The following TTC28 variants were observed in gnomAD, a reference collection of about 807,000 sequenced individuals.
TTC28 encodes the protein tetratricopeptide repeat domain 28.
A neutral mutation model predicts 198.0 loss-of-function variants in TTC28; 61 were observed. The ratio of observed to expected loss-of-function variants is 0.31; its 90% confidence interval spans 0.25 to 0.38. The LOEUF is 0.38. TTC28 is among the 10% of genes least tolerant of loss of function. The pLI is 1.00. For missense variants in TTC28, 2,678 were observed against 3,164.0 expected (o/e 0.85, Z 3.69); for synonymous variants, 1,171 against 1,297.8 (o/e 0.90, Z 2.10).
chr22:28,114,170 T>A, intron 6 of TTC28, among the ~76,000 whole-genome samples: 1 of 152,200 alleles, frequency 6.6e-6, no homozygotes, highest in Non-Finnish European at 1.5e-5. Context: ...GGCTGAGAAA[T>A]GGCTAAAATG....
In TTC28 at chr22:28,101,271, A is replaced by G. The variant is rs1942143937; in HGVS notation, c.3317T>C (p.Leu1106Ser). Residue 1106 changes from leucine to serine, a missense_variant, in exon 9 of 23, where the codon TTA becomes TCA. Around this residue, in one of 8 missense-constraint regions of TTC28, gnomAD observed 727 missense variants for 861.9 expected, o/e 0.84. Transcript: ENST00000397906. ...TTCTCTTCGGCCCAGTTGCTCAGCTAACCTTAAACCTGAAACCAGATAGAG... is the reference window on the plus strand; with the variant it reads ...TTCTCTTCGGCCCAGTTGCTCAGCTGACCTTAAACCTGAAACCAGATAGAG... ...AVMYLQEGLR[L>S]AEQLGRREDE... is the part of the protein sequence containing the mutation. 1 of 1,551,598 alleles carries G rather than the reference A, an allele frequency of 6.4e-7. No homozygotes were observed. Among genetic ancestry groups the G allele is most frequent in the Admixed American group, 2.0e-5 (1 of 50,960 alleles).
chr22:28,617,776 C>T (rs1387768476), intron 2 of TTC28, among the ~76,000 whole-genome samples: 1 of 152,196 alleles, frequency 6.6e-6, no homozygotes, highest in African/African-American at 2.4e-5. Context: ...CCAGCAAAAT[C>T]TGCTGGATGA....
At chr22:28,062,491 A>G (rs956919818) in intron 12 of TTC28, among the ~76,000 whole-genome samples, 2 of 143,192 alleles carry the variant, frequency 1.4e-5, no homozygotes, top group East Asian at 2.0e-4. Flanking sequence ...TTTTTTAGAG[A>G]CAGGGTCTCT....
chr22:28,100,749 G>T (rs1303803871), intron 9 of TTC28, among the ~76,000 whole-genome samples: 1 of 152,070 alleles, frequency 6.6e-6, no homozygotes, highest in Non-Finnish European at 1.5e-5. Context: ...TACTCTCCAG[G>T]GCCAGCATGA....
At chr22:28,405,830 C>G (rs1031978447) in intron 2 of TTC28, among the ~76,000 whole-genome samples, 2 of 152,238 alleles carry the variant, frequency 1.3e-5, no homozygotes, top group African/African-American at 4.8e-5. Context: ...TTACCACCCC[C>G]TTTCTAGAAA....
At chr22:28,292,086 A>C (rs764599292) in intron 5 of TTC28, among the ~76,000 whole-genome samples, 6 of 152,056 alleles carry the variant, frequency 3.9e-5, no homozygotes, top group Non-Finnish European at 8.8e-5. Flanking sequence ...CTTATAATTA[A>C]TAATTAGTTA....
At chr22:28,249,419 T>G (rs1015594150) in intron 5 of TTC28, among the ~76,000 whole-genome samples, 1 of 152,184 alleles carries the variant, frequency 6.6e-6, no homozygotes, top group African/African-American at 2.4e-5. Context: ...ATCTTAGGAA[T>G]AGGTAGAACA....
At chr22:28,457,993 T>C in intron 2 of TTC28, among the ~76,000 whole-genome samples, 1 of 152,154 alleles carries the variant, frequency 6.6e-6, no homozygotes, top group East Asian at 1.9e-4. Flanking sequence ...TTTAAGTAAT[T>C]TTTGCATATT....
chr22:28,673,207 T>C (rs2051918463), intron 1 of TTC28, among the ~76,000 whole-genome samples: 1 of 152,116 alleles, frequency 6.6e-6, no homozygotes, highest in Non-Finnish European at 1.5e-5. Context: ...ACCCCGTCTC[T>C]ACTAAAAATA....
chr22:28,048,334 C>A (rs1017643729), intron 12 of TTC28, among the ~76,000 whole-genome samples: 1 of 152,104 alleles, frequency 6.6e-6, no homozygotes, highest in African/African-American at 2.4e-5. Flanking sequence ...ATGCCTCTAG[C>A]ACAAGCCAGA....
chr22:28,545,444 T>C (rs2049519594), intron 2 of TTC28, among the ~76,000 whole-genome samples: 19 of 151,990 alleles, frequency 1.3e-4, no homozygotes, highest in Admixed American at 1.2e-3. Flanking sequence ...CCAGGCATAG[T>C]GGCATGCACC....
At position 28,134,269 on chromosome 22, in the gene TTC28, C is replaced by A. The variant is rs555567846; in HGVS notation, c.1442-25866G>T. Among the ~76,000 whole-genome samples the A allele has an allele frequency of 2.0e-5, 3 of 152,292 alleles. No individual in the cohort carries two copies. The South Asian group carries it at 6.2e-4, about 32-fold the overall frequency. On this transcript the variant is annotated intron_variant, in intron 6 of 22. Transcript: ENST00000397906. ...CCACAAAGATGGGGAAAAAACAGAGCAGAAAAGCTGAAAGTTCTAAAAATC... is the reference window on the plus strand; with the variant it reads ...CCACAAAGATGGGGAAAAAACAGAGAAGAAAAGCTGAAAGTTCTAAAAATC...
At chr22:28,565,559 A>G (rs1004726502) in intron 2 of TTC28, among the ~76,000 whole-genome samples, 1 of 152,240 alleles carries the variant, frequency 6.6e-6, no homozygotes, top group Non-Finnish European at 1.5e-5. Context: ...AAGACTATAA[A>G]AAGAGTTCTT....
intron 2 of TTC28, among the ~76,000 whole-genome samples, chr22:28,496,503 C>T (rs1415691252): frequency 6.6e-6 from 1 of 152,108 alleles, no homozygotes; most frequent in Non-Finnish European, 1.5e-5. Context: ...TCCAATCCAT[C>T]AGAAAATCCT....
intron 8 of TTC28, among the ~76,000 whole-genome samples, chr22:28,103,230 A>G (rs2146887401): frequency 6.6e-6 from 1 of 152,234 alleles, no homozygotes; most frequent in South Asian, 2.1e-4. Flanking sequence ...TAGAACCTAT[A>G]GTTTGTCAGG....
chr22:28,283,325 T>TACACACACACACACAC (rs35766225), intron 5 of TTC28, among the ~76,000 whole-genome samples: 1 of 149,540 alleles, frequency 6.7e-6, no homozygotes, highest in Non-Finnish European at 1.5e-5. Flanking sequence ...CTTTCTCTCT[T>TACACACACACACACAC]ACACACACAC....
At chr22:28,431,397 G>A (rs765334461) in intron 2 of TTC28, among the ~76,000 whole-genome samples, 6 of 152,070 alleles carry the variant, frequency 3.9e-5, no homozygotes, top group Non-Finnish European at 8.8e-5. Flanking sequence ...CAAATATCTG[G>A]TTTTATTTAA....
At chr22:28,496,519 T>C (rs900824759) in intron 2 of TTC28, among the ~76,000 whole-genome samples, 1 of 152,100 alleles carries the variant, frequency 6.6e-6, no homozygotes, top group Non-Finnish European at 1.5e-5. Context: ...ATCCTGTTGG[T>C]TCTACCTTTT....
chr22:28,562,062 T>C (rs948266636), intron 2 of TTC28, among the ~76,000 whole-genome samples: 9 of 152,142 alleles, frequency 5.9e-5, no homozygotes, highest in African/African-American at 1.9e-4. Context: ...AAGTGAATCA[T>C]GAAAATTCAC....
Sources: gnomAD v4.1 joint callset for allele counts (sites outside exome capture counted in the v4.1 genomes callset) on GRCh38, gnomAD v4.1.1 for gene constraint, gnomAD v4.1.1 regional missense constraint, MANE v1.5 for transcripts, NCBI Gene and HGNC (gene_info 2026-07-23, HGNC 2026-07-21) for gene names.